The following ARHGAP6 variants were observed in gnomAD, a reference collection of about 807,000 sequenced individuals.
ARHGAP6 encodes the protein Rho GTPase activating protein 6, also known as rho GTPase-activating protein 6.
ARHGAP6 carries 16 observed loss-of-function variants against 55.7 expected under a neutral mutation model. The ratio of observed to expected loss-of-function variants is 0.29; its 90% confidence interval spans 0.19 to 0.44. The LOEUF is 0.44. ARHGAP6 is among the 20% of genes least tolerant of loss of function. The pLI is 1.00. For missense variants in ARHGAP6, 698 were observed against 808.9 expected, an observed-to-expected ratio of 0.86 and a Z score of 1.66; for synonymous variants, 382 against 360.9, an observed-to-expected ratio of 1.06 and a Z score of -0.66.
At chrX:11,169,719 G>A in intron 8 of ARHGAP6, 35 bp from the exon 9 acceptor site, 1 of 1,042,500 alleles carries the variant, frequency 9.6e-7, no homozygotes. Flanking sequence ...CTGTTGTTAT[G>A]TTTGCCTTTC....
At chrX:11,595,979 G>T (rs1180477789) in intron 1 of ARHGAP6, among the ~76,000 whole-genome samples, 1 of 112,243 alleles carries the variant, frequency 8.9e-6, no homozygotes, top group Non-Finnish European at 1.9e-5. Context: ...TGGTGGGAAT[G>T]TAAATTAGTT....
At position 11,665,841 on chromosome X, in the gene ARHGAP6, T is replaced by G. The variant is rs1451630434; in HGVS notation, c.-1013A>C. The stretch of plus-strand genomic sequence containing the variant: ...GCCAGGAGCAGGAGAAAGCAGAACG[T>G]GAAGAGTTTTCCAGGCGCCAAACCT... On this transcript the variant is annotated 5_prime_UTR_variant, in exon 1 of 13. Coordinates refer to ENST00000337414, the MANE Select transcript of ARHGAP6 (RefSeq NM_013427.3). The G allele has an allele frequency of 1.8e-5, 2 of 112,064 alleles. No homozygotes were observed. The highest frequency in any genetic ancestry group is 3.8e-5 in the Non-Finnish European group (2 of 53,224). 9.2% of individuals were successfully genotyped at this position (112,064 alleles called of 1,213,427 possible).
rs1337193949 is a variant in ARHGAP6 at position 11,380,644 on chromosome X, C to T, written c.589-125937G>A. 2.7e-5 allele frequency among the ~76,000 whole-genome samples: 3 copies of T among 111,771 alleles called. No individual in the cohort carries two copies. In the East Asian group the frequency reaches 8.4e-4, roughly 31 times the overall value. ...GGACAGGGCTCGTGATTCTGCATTT[C>T]TAACAAGCTCCCACGTGTTGCAGAT... On this transcript the variant is annotated intron_variant, in intron 1 of 12. Coordinates refer to ENST00000337414, the MANE Select transcript of ARHGAP6 (RefSeq NM_013427.3).
intron 1 of ARHGAP6, among the ~76,000 whole-genome samples, chrX:11,532,287 C>A (rs2051058548): frequency 8.9e-6 from 1 of 112,026 alleles, no homozygotes; most frequent in South Asian, 3.7e-4. Flanking sequence ...ATGATAAATA[C>A]CAAGGGAACA....
intron 1 of ARHGAP6, among the ~76,000 whole-genome samples, chrX:11,612,946 T>C (rs1056198783): frequency 8.9e-6 from 1 of 112,839 alleles, no homozygotes; most frequent in Non-Finnish European, 1.9e-5. Context: ...AAGAACATTG[T>C]TTAAACACTA....
chrX:11,346,338 AGTT>A (rs1435423882), intron 1 of ARHGAP6, among the ~76,000 whole-genome samples: 3 of 111,881 alleles, frequency 2.7e-5, no homozygotes, highest in African/African-American at 9.8e-5. Flanking sequence ...AGAGTTGAGT[AGTT>A]GTGACAAAAT....
At chrX:11,383,046 T>C (rs2049280802) in intron 1 of ARHGAP6, among the ~76,000 whole-genome samples, 1 of 112,111 alleles carries the variant, frequency 8.9e-6, no homozygotes, top group Non-Finnish European at 1.9e-5. Context: ...TTGGCTAAAA[T>C]CACTTTGGGG....
chrX:11,662,672 G>A (rs2052714851), intron 1 of ARHGAP6, among the ~76,000 whole-genome samples: 1 of 112,471 alleles, frequency 8.9e-6, no homozygotes, highest in Non-Finnish European at 1.9e-5. Context: ...GGTCATAACA[G>A]TAATGAGCAG....
At chrX:11,182,705 G>A (rs1386083009) in intron 5 of ARHGAP6, among the ~76,000 whole-genome samples, 10 of 96,079 alleles carry the variant, frequency 1.0e-4, no homozygotes, top group Non-Finnish European at 1.6e-4. Flanking sequence ...ACGTGATTAC[G>A]GCTCACTGCA....
At chrX:11,305,407 C>T (rs751607158) in intron 1 of ARHGAP6, among the ~76,000 whole-genome samples, 5 of 111,734 alleles carry the variant, frequency 4.5e-5, no homozygotes, top group Non-Finnish European at 9.4e-5. Context: ...TTTTAAAAAC[C>T]GTCCGACAGA....
At chrX:11,489,370 C>G (rs997045502) in intron 1 of ARHGAP6, among the ~76,000 whole-genome samples, 1 of 111,775 alleles carries the variant, frequency 8.9e-6, no homozygotes, top group Admixed American at 9.5e-5. Flanking sequence ...AAGGAAAGAA[C>G]GCTATTGGAA....
intron 1 of ARHGAP6, among the ~76,000 whole-genome samples, chrX:11,634,814 A>G (rs890828151): frequency 8.9e-5 from 10 of 112,074 alleles, no homozygotes; most frequent in Non-Finnish European, 1.3e-4. Context: ...AACCACACAC[A>G]TTTGTAATCT....
In ARHGAP6 at chrX:11,390,537, T is replaced by C. The variant is rs1443438350; in HGVS notation, c.589-135830A>G. On this transcript the variant is annotated intron_variant, in intron 1 of 12. Coordinates refer to ENST00000337414, the MANE Select transcript of ARHGAP6 (RefSeq NM_013427.3). ...CAGAGTGAACAGGCAACCTACAAAA[T>C]GGGAGAAAATTTTTGCAATCTACTC... is the stretch of plus-strand genomic sequence containing the variant. Among the ~76,000 whole-genome samples, 6 of 110,623 alleles carry C rather than the reference T, an allele frequency of 5.4e-5. No individual in the cohort carries two copies. In the South Asian group the frequency reaches 1.2e-3, roughly 22 times the overall value.
At chrX:11,258,304 A>G (rs2047517244) in intron 1 of ARHGAP6, among the ~76,000 whole-genome samples, 1 of 109,376 alleles carries the variant, frequency 9.1e-6, no homozygotes, top group African/African-American at 3.3e-5. Context: ...CTAGAGAATA[A>G]ACTGGATGCA....
intron 1 of ARHGAP6, among the ~76,000 whole-genome samples, chrX:11,495,860 C>T (rs1004655134): frequency 1.8e-5 from 2 of 112,736 alleles, no homozygotes; most frequent in Non-Finnish European, 3.7e-5. Context: ...CTGCTGTTGC[C>T]TTCTTGGCTT....
intron 5 of ARHGAP6, among the ~76,000 whole-genome samples, chrX:11,182,999 T>C (rs5979378): frequency 0.18 from 20,385 of 111,020 alleles, 1,422 homozygotes; most frequent in Middle Eastern, 0.27. Context: ...ATATATATAA[T>C]ATCTATTGAC....
At chrX:11,580,377 C>A (rs1244853662) in intron 1 of ARHGAP6, among the ~76,000 whole-genome samples, 1 of 111,839 alleles carries the variant, frequency 8.9e-6, no homozygotes, top group Non-Finnish European at 1.9e-5. Context: ...GCCACTAATT[C>A]TGCAAATCTG....
At chrX:11,425,430 G>A (rs772318420) in intron 1 of ARHGAP6, among the ~76,000 whole-genome samples, 3 of 112,126 alleles carry the variant, frequency 2.7e-5, no homozygotes, top group African/African-American at 6.5e-5. Flanking sequence ...ACAATGGGTC[G>A]CACTTAATAA....
chrX:11,314,362 G>C (rs1603061757), intron 1 of ARHGAP6, among the ~76,000 whole-genome samples: 1 of 111,972 alleles, frequency 8.9e-6, no homozygotes, highest in East Asian at 2.8e-4. Context: ...GATCATAACA[G>C]AACTTCTGAT....
Sources: allele counts gnomAD v4.1 joint callset (sites outside exome capture counted in the v4.1 genomes callset), GRCh38; gene constraint gnomAD v4.1.1; transcripts MANE v1.5; gene names NCBI Gene and HGNC (gene_info 2026-07-23, HGNC 2026-07-21).